The following JAML variants were observed in gnomAD, a reference collection of about 807,000 sequenced individuals.
JAML encodes the protein junction adhesion molecule like.
A neutral mutation model predicts 39.3 loss-of-function variants in JAML; 25 were observed. The observed-to-expected ratio is 0.64, with a 90% CI of 0.46 to 0.89. The LOEUF (loss-of-function observed/expected upper bound fraction) is 0.89, where lower values mean the gene tolerates loss of function less well. JAML is among the 40% of genes least tolerant of loss of function. The pLI is 0.00. For synonymous variants in JAML, 162 were observed against 179.2 expected (o/e 0.90, Z 0.77); for missense variants, 440 against 486.9 (o/e 0.90, Z 0.91).
At chr11:118,212,318 T>C (rs1442575557) in intron 3 of JAML, 89 bp downstream of exon 3, 2 of 1,488,128 alleles carry the variant, frequency 1.3e-6, no homozygotes, top group Non-Finnish European at 1.8e-6. Flanking sequence ...CACCTCCTGG[T>C]GGCACCTGAT....
intron 4 of JAML, among the ~76,000 whole-genome samples, chr11:118,208,720 T>C (rs1190444785): frequency 6.6e-6 from 1 of 152,268 alleles, no homozygotes; most frequent in Non-Finnish European, 1.5e-5. Flanking sequence ...GTTCTGTGGC[T>C]TGCAAACTTT....
intron 1 of JAML, among the ~76,000 whole-genome samples, chr11:118,223,280 C>G (rs1949228383): frequency 6.6e-6 from 1 of 151,920 alleles, no homozygotes; most frequent in Non-Finnish European, 1.5e-5. Flanking sequence ...TGATGTAGGG[C>G]CAGAATCCGG....
At position 118,214,902 on chromosome 11, in the gene JAML, C is replaced by A; in HGVS notation, c.-20-16G>T. 1 of 1,605,490 alleles carries A rather than the reference C, an allele frequency of 6.2e-7. No homozygotes were observed. The highest frequency in any genetic ancestry group is 8.5e-7 in the Non-Finnish European group (1 of 1,172,882). On this transcript the variant is annotated splice_polypyrimidine_tract_variant and intron_variant, in intron 1 of 9. Transcript: ENST00000356289. ...ACTTTCAAATCTTAAGATAAAAGAACAAAAATCACAAAATCATGTCAAGAG... is the reference window on the plus strand; with the variant it reads ...ACTTTCAAATCTTAAGATAAAAGAAAAAAAATCACAAAATCATGTCAAGAG...
At chr11:118,216,132 G>A (rs772169064) in intron 1 of JAML, among the ~76,000 whole-genome samples, 8 of 152,160 alleles carry the variant, frequency 5.3e-5, no homozygotes, top group African/African-American at 7.2e-5. Flanking sequence ...AGCACTTTGG[G>A]AGACCAAGGC....
chr11:118,214,075 G>A (rs1424962388), intron 2 of JAML, among the ~76,000 whole-genome samples: 1 of 152,100 alleles, frequency 6.6e-6, no homozygotes, highest in Non-Finnish European at 1.5e-5. Flanking sequence ...TAATAATAAA[G>A]AGAAAAAGAA....
intron 8 of JAML, 180 bp from the exon 9 acceptor site, chr11:118,197,001 A>G (rs963387564): frequency 7.5e-5 from 42 of 562,724 alleles, no homozygotes; most frequent in Admixed American, 1.3e-4. Flanking sequence ...TTGAAAATTA[A>G]CTGTCAAAGA....
At chr11:118,203,778 G>A (rs751047614) in intron 5 of JAML, 113 bp from the exon 6 acceptor site, 41 of 834,994 alleles carry the variant, frequency 4.9e-5, no homozygotes, top group Non-Finnish European at 7.6e-5. Context: ...GGTGAAGGCA[G>A]TAAGGGTATT....
intron 7 of JAML, 124 bp downstream of exon 7, chr11:118,200,350 A>C: frequency 8.2e-7 from 1 of 1,217,162 alleles, no homozygotes. Context: ...AGATGATTCC[A>C]TTTAAAAATA....
chr11:118,201,461 G>A (rs1351867174), intron 6 of JAML: 1 of 152,242 alleles, frequency 6.6e-6, no homozygotes, highest in East Asian at 1.9e-4. Context: ...GCACAAAAGT[G>A]GCATTTGTGG....
At chr11:118,210,878 C>T (rs1225506019) in intron 3 of JAML, among the ~76,000 whole-genome samples, 166 bp from the exon 4 acceptor site, 1 of 152,206 alleles carries the variant, frequency 6.6e-6, no homozygotes, top group Non-Finnish European at 1.5e-5. Context: ...AACAGTCTAA[C>T]TTGCACAAGC....
At position 118,210,809 on chromosome 11, in the gene JAML, C is replaced by T; in HGVS notation, c.199-97G>A. On this transcript the variant is annotated intron_variant, in intron 3 of 9. Coordinates refer to ENST00000356289, the MANE Select transcript of JAML (RefSeq NM_001098526.2). ...TGTTATGTGGGGGCAGCAGAGCTAT[C>T]ATCATGATCATGATCCAAAAGCATT... is the stretch of plus-strand genomic sequence containing the variant. 4 of 969,294 alleles carry T rather than the reference C, an allele frequency of 4.1e-6. No individual in the cohort carries two copies. The South Asian group carries it at 6.2e-5, about 15-fold the overall frequency. 60.0% of individuals were successfully genotyped at this position (969,294 alleles called of 1,614,324 possible).
At chr11:118,199,850 C>A (rs1948740818) in intron 7 of JAML, among the ~76,000 whole-genome samples, 1 of 151,898 alleles carries the variant, frequency 6.6e-6, no homozygotes, top group South Asian at 2.1e-4. Context: ...GCACATGCCA[C>A]CACGTCCAGC....
rs149741960 is a variant in JAML at position 118,197,002 on chromosome 11, C to G, written c.1006-181G>C. ...AGTCTTCAGTCTTCTTGAAAATTAA[C>G]TGTCAAAGAACACAGTCTTAAGAAC... On this transcript the variant is annotated intron_variant, in intron 8 of 9. Transcript: ENST00000356289. 310 of 563,048 alleles carry G rather than the reference C, an allele frequency of 5.5e-4. No individual in the cohort carries two copies. The East Asian group carries it at 5.8e-3, about 11-fold the overall frequency. The allele number at this position is 563,048 out of a possible 1,614,324, so 34.9% of individuals were successfully genotyped here. A position where few individuals can be genotyped will look rare whatever the true frequency, so the allele number is the denominator to read the frequency against.
chr11:118,215,021 C>G, intron 1 of JAML, 135 bp from the exon 2 acceptor site: 1 of 689,938 alleles, frequency 1.4e-6, no homozygotes, highest in Non-Finnish European at 2.4e-6. Context: ...GAAAAACAGA[C>G]GAGGTCCCAG....
At chr11:118,199,457 G>T (rs1948728622) in intron 7 of JAML, among the ~76,000 whole-genome samples, 2 of 152,110 alleles carry the variant, frequency 1.3e-5, no homozygotes, top group South Asian at 4.1e-4. Flanking sequence ...CACTGGGAAA[G>T]AACACTCAAA....
At chr11:118,212,606 T>G in intron 2 of JAML, 45 bp from the exon 3 acceptor site, 2 of 1,601,096 alleles carry the variant, frequency 1.2e-6, no homozygotes, top group Non-Finnish European at 1.7e-6. Context: ...AGACAAATAC[T>G]CTCAACAACA....
At chr11:118,199,314 G>C (rs974579824) in intron 7 of JAML, among the ~76,000 whole-genome samples, 3 of 152,178 alleles carry the variant, frequency 2.0e-5, no homozygotes, top group Admixed American at 6.5e-5. Flanking sequence ...AGGTTGTCTA[G>C]CTCAGTGCTC....
chr11:118,221,247 C>T (rs1045500655), intron 1 of JAML, among the ~76,000 whole-genome samples: 10 of 149,922 alleles, frequency 6.7e-5, no homozygotes, highest in African/African-American at 1.7e-4. Flanking sequence ...AGTTAAAATC[C>T]TTTGCAAGCT....
At chr11:118,198,574 G>A (rs920376392) in intron 7 of JAML, among the ~76,000 whole-genome samples, 4 of 151,850 alleles carry the variant, frequency 2.6e-5, no homozygotes, top group Non-Finnish European at 5.9e-5. Flanking sequence ...CCAAGCAGGA[G>A]CTCTGCGCCT....
Sources: allele counts gnomAD v4.1 joint callset (sites outside exome capture counted in the v4.1 genomes callset), GRCh38; gene constraint gnomAD v4.1.1; transcripts MANE v1.5; gene names NCBI Gene and HGNC (gene_info 2026-07-23, HGNC 2026-07-21).